The following LHFPL3 variants were observed in gnomAD, a reference collection of about 807,000 sequenced individuals.
The protein encoded by LHFPL3 is LHFPL tetraspan subfamily member 3, also known as LHFPL tetraspan subfamily member 3 protein.
LHFPL3 carries 5 observed loss-of-function variants against 19.3 expected under a neutral mutation model. The ratio of observed to expected loss-of-function variants is 0.26; its 90% CI spans 0.14 to 0.54. LHFPL3 has a LOEUF of 0.54. Among genes scored for constraint, LHFPL3 ranks in the 20% least tolerant of loss-of-function variants. The pLI is 0.94. For synonymous variants in LHFPL3, 133 were observed against 126.2 expected, an observed-to-expected ratio of 1.05 and a Z score of -0.36; for missense variants, 249 against 307.4, an observed-to-expected ratio of 0.81 and a Z score of 1.42.
chr7:104,678,522 T>G (rs530891012), intron 1 of LHFPL3, among the ~76,000 whole-genome samples: 1 of 152,172 alleles, frequency 6.6e-6, no homozygotes, highest in Admixed American at 6.5e-5. Context: ...CTGGCCAAAC[T>G]TGGTGTGTTT....
chr7:104,479,170 A>G (rs1316223698), intron 1 of LHFPL3, among the ~76,000 whole-genome samples: 13 of 152,206 alleles, frequency 8.5e-5, no homozygotes, highest in Admixed American at 4.6e-4. Context: ...AGGGGAGAAA[A>G]GAGTGGGCTC....
intron 2 of LHFPL3, among the ~76,000 whole-genome samples, chr7:104,835,657 ATC>A (rs1791077541): frequency 6.6e-6 from 1 of 151,796 alleles, no homozygotes; most frequent in Non-Finnish European, 1.5e-5. Flanking sequence ...CACACATAGA[ATC>A]TGTTTTTACA....
chr7:104,495,564 T>C (rs1293559488), intron 1 of LHFPL3, among the ~76,000 whole-genome samples: 1 of 152,152 alleles, frequency 6.6e-6, no homozygotes, highest in Non-Finnish European at 1.5e-5. Flanking sequence ...TTTGTATTTT[T>C]AGTAGAGATG....
At chr7:104,810,192 G>C (rs535277068) in intron 2 of LHFPL3, among the ~76,000 whole-genome samples, 2 of 152,158 alleles carry the variant, frequency 1.3e-5, no homozygotes, top group East Asian at 1.9e-4. Flanking sequence ...ATAACATGAG[G>C]AGTGCCAAAG....
At chr7:104,601,490 C>T (rs12705240) in intron 1 of LHFPL3, among the ~76,000 whole-genome samples, 19,913 of 152,060 alleles carry the variant, frequency 0.13, 1,510 homozygotes, top group Non-Finnish European at 0.17. Context: ...TAGTGACAAG[C>T]GCTCTGAATG....
chr7:104,446,535 A>G (rs912958660), intron 1 of LHFPL3, among the ~76,000 whole-genome samples: 2 of 152,096 alleles, frequency 1.3e-5, no homozygotes, highest in African/African-American at 2.4e-5. Flanking sequence ...TTTATGTTTC[A>G]TAGATTTTCT....
At chr7:104,533,203 C>G (rs1001649292) in intron 1 of LHFPL3, among the ~76,000 whole-genome samples, 2 of 152,226 alleles carry the variant, frequency 1.3e-5, no homozygotes, top group Admixed American at 1.3e-4. Context: ...TCTGCCAGCA[C>G]TGGATATGAG....
intron 1 of LHFPL3, among the ~76,000 whole-genome samples, chr7:104,478,481 A>G (rs1319539742): frequency 1.3e-5 from 2 of 152,094 alleles, no homozygotes; most frequent in South Asian, 2.1e-4. Context: ...TTAATTAGGC[A>G]TGGAGTCCTC....
intron 2 of LHFPL3, among the ~76,000 whole-genome samples, chr7:104,820,110 C>T (rs916672783): frequency 6.6e-6 from 1 of 152,140 alleles, no homozygotes; most frequent in African/African-American, 2.4e-5. Context: ...CTCATTCATA[C>T]ACATCTGGAC....
At chr7:104,671,800 A>G (rs1792488166) in intron 1 of LHFPL3, among the ~76,000 whole-genome samples, 1 of 152,112 alleles carries the variant, frequency 6.6e-6, no homozygotes, top group South Asian at 2.1e-4. Flanking sequence ...CTTTCCATTC[A>G]TTATTTGATA....
chr7:104,815,927 C>T (rs1790553638), intron 2 of LHFPL3, among the ~76,000 whole-genome samples: 1 of 152,176 alleles, frequency 6.6e-6, no homozygotes, highest in African/African-American at 2.4e-5. Flanking sequence ...GGGATTCATG[C>T]ATGGAACTGC....
intron 1 of LHFPL3, among the ~76,000 whole-genome samples, chr7:104,341,127 CG>C (rs1218020080): frequency 6.6e-5 from 10 of 152,046 alleles, no homozygotes; most frequent in African/African-American, 1.9e-4. Flanking sequence ...CTCTGCTATT[CG>C]AAATTTAACT....
At chr7:104,611,504 A>G (rs942447966) in intron 1 of LHFPL3, among the ~76,000 whole-genome samples, 1 of 152,204 alleles carries the variant, frequency 6.6e-6, no homozygotes, top group Non-Finnish European at 1.5e-5. Context: ...ACAATACTTG[A>G]CAGTGTCAGA....
chr7:104,619,521 C>T (rs541362897), intron 1 of LHFPL3, among the ~76,000 whole-genome samples: 23 of 152,230 alleles, frequency 1.5e-4, no homozygotes, highest in African/African-American at 5.5e-4. Context: ...AAATGAGAGA[C>T]ATCCTGATAG....
intron 1 of LHFPL3, among the ~76,000 whole-genome samples, chr7:104,633,158 G>A (rs1791674585): frequency 6.6e-6 from 1 of 152,146 alleles, no homozygotes; most frequent in Non-Finnish European, 1.5e-5. Context: ...CCCTGGCTAA[G>A]GCTTCTATTT....
intron 1 of LHFPL3, among the ~76,000 whole-genome samples, chr7:104,541,180 G>C (rs1428358720): frequency 6.6e-6 from 1 of 151,180 alleles, no homozygotes; most frequent in African/African-American, 2.4e-5. Flanking sequence ...GTTCCAAAGG[G>C]AGAGCTTCTC....
At chr7:104,671,497 T>C (rs1176846990) in intron 1 of LHFPL3, among the ~76,000 whole-genome samples, 1 of 151,182 alleles carries the variant, frequency 6.6e-6, no homozygotes, top group Non-Finnish European at 1.5e-5. Context: ...ACCTGGGAGA[T>C]GTCTTGATGT....
intron 1 of LHFPL3, among the ~76,000 whole-genome samples, chr7:104,548,685 T>G (rs1360677335): frequency 6.6e-6 from 1 of 152,182 alleles, no homozygotes; most frequent in Non-Finnish European, 1.5e-5. Context: ...CAACCCTGGA[T>G]TTGTTAGCCA....
At chr7:104,613,873 G>A (rs1435122514) in intron 1 of LHFPL3, among the ~76,000 whole-genome samples, 1 of 152,192 alleles carries the variant, frequency 6.6e-6, no homozygotes, top group East Asian at 1.9e-4. Flanking sequence ...TGAGCTAGTA[G>A]AAAACTACTA....
Sources: gnomAD v4.1 joint callset for allele counts (sites outside exome capture counted in the v4.1 genomes callset) on GRCh38, gnomAD v4.1.1 for gene constraint, MANE v1.5 for transcripts, NCBI Gene and HGNC (gene_info 2026-07-23, HGNC 2026-07-21) for gene names.